Variants in ARHGAP15 observed in about 807,000 individuals in gnomAD.
ARHGAP15 encodes the protein rho GTPase-activating protein 15.
ARHGAP15 carries 51 observed loss-of-function variants against 63.7 expected under a neutral mutation model. That is an observed-to-expected ratio of 0.80 (90% confidence interval 0.64 to 1.01). The LOEUF (loss-of-function observed/expected upper bound fraction) is 1.01, where lower values mean the gene tolerates loss of function less well. ARHGAP15 is among the 50% of genes least tolerant of loss of function. The pLI, the probability that ARHGAP15 is intolerant of heterozygous loss-of-function variation, is 0.00. For missense variants in ARHGAP15, 560 were observed against 564.6 expected, an observed-to-expected ratio of 0.99 and a Z score of 0.08; for synonymous variants, 191 against 193.8, an observed-to-expected ratio of 0.99 and a Z score of 0.12.
chr2:143,360,751 G>T (rs1166721461), intron 6 of ARHGAP15, among the ~76,000 whole-genome samples: 1 of 152,150 alleles, frequency 6.6e-6, no homozygotes, highest in Non-Finnish European at 1.5e-5. Context: ...GAAGGTGGAA[G>T]AGTTAAGTAC....
chr2:143,487,853 C>T (rs1692397734), intron 9 of ARHGAP15, among the ~76,000 whole-genome samples: 1 of 152,170 alleles, frequency 6.6e-6, no homozygotes, highest in African/African-American at 2.4e-5. Flanking sequence ...AACCAGCACA[C>T]TTACCAACCC....
chr2:143,756,134 C>T (rs1686567936), intron 13 of ARHGAP15, among the ~76,000 whole-genome samples: 1 of 152,072 alleles, frequency 6.6e-6, no homozygotes, highest in South Asian at 2.1e-4. Context: ...TAGGCGCCCT[C>T]AATGAAAAGT....
intron 2 of ARHGAP15, among the ~76,000 whole-genome samples, chr2:143,166,006 G>A (rs1690505667): frequency 1.5e-5 from 2 of 134,356 alleles, no homozygotes; most frequent in Non-Finnish European, 3.2e-5. Flanking sequence ...AAGAAAGAAG[G>A]AAGGAAGGAA....
intron 8 of ARHGAP15, among the ~76,000 whole-genome samples, chr2:143,465,690 C>T (rs537277835): frequency 1.0e-5 from 1 of 98,468 alleles, no homozygotes; most frequent in East Asian, 2.9e-4. Context: ...CTTTTAGATG[C>T]TAATAAAGCA....
Position 143,467,524 on chromosome 2 carries a change from A to G in ARHGAP15, c.704-19849A>G, listed in dbSNP as rs145430152. On this transcript the variant is annotated intron_variant, in intron 8 of 13. Transcript: ENST00000295095. ...ATGTGCAATAAATTAATGCATCAAT[A>G]TAACCAATAAGCATTTGTTACTGAT... Among the ~76,000 whole-genome samples the G allele has an allele frequency of 5.3e-3, 799 of 152,186 alleles. 8 individuals carry two copies. Among genetic ancestry groups the G allele is most frequent in the African/African-American group, 0.018 (737 of 41,538 alleles).
chr2:143,723,336 G>C (rs1035315770), intron 13 of ARHGAP15, among the ~76,000 whole-genome samples: 2 of 152,160 alleles, frequency 1.3e-5, no homozygotes, highest in Non-Finnish European at 2.9e-5. Context: ...GGATGGAGGG[G>C]CTGAAGGAGG....
At chr2:143,339,199 G>A (rs1684943380) in intron 6 of ARHGAP15, among the ~76,000 whole-genome samples, 1 of 152,116 alleles carries the variant, frequency 6.6e-6, no homozygotes, top group Non-Finnish European at 1.5e-5. Context: ...GTAGCGGAGT[G>A]TTGGGTAGTG....
intron 6 of ARHGAP15, among the ~76,000 whole-genome samples, chr2:143,417,305 A>G (rs1688732893): frequency 6.6e-6 from 1 of 152,048 alleles, no homozygotes; most frequent in Non-Finnish European, 1.5e-5. Flanking sequence ...GAGATATACC[A>G]CACATGCTTA....
rs766632147 is a variant in ARHGAP15, at chr2:143,615,995, G to A, written c.1004-8138G>A. ...AGAAAGGAATTAAAGAAATATATAT[G>A]GGTGCCAGGAAATACATCAATTTTT... On this transcript the variant is annotated intron_variant, in intron 11 of 13. Coordinates refer to ENST00000295095, the MANE Select transcript of ARHGAP15 (RefSeq NM_018460.4). Among the ~76,000 whole-genome samples, 3 of 152,222 alleles carry A rather than the reference G, an allele frequency of 2.0e-5. No individual in the cohort carries two copies. In the South Asian group the frequency reaches 6.2e-4, roughly 32 times the overall value.
intron 9 of ARHGAP15, among the ~76,000 whole-genome samples, chr2:143,492,084 G>A (rs779215272): frequency 5.3e-5 from 8 of 152,118 alleles, no homozygotes; most frequent in Non-Finnish European, 1.2e-4. Context: ...GTTTCACCAT[G>A]TTGCCCAGCC....
chr2:143,610,176 A>G (rs987428760), intron 11 of ARHGAP15, among the ~76,000 whole-genome samples: 21 of 152,146 alleles, frequency 1.4e-4, no homozygotes, highest in African/African-American at 5.1e-4. Context: ...ATGGAATTAG[A>G]AAACTTAGTG....
chr2:143,467,242 C>CTTTTTTTT (rs202115707), intron 8 of ARHGAP15, among the ~76,000 whole-genome samples: 2 of 57,916 alleles, frequency 3.5e-5, no homozygotes, highest in African/African-American at 7.5e-5. Flanking sequence ...ACTCCATGGC[C>CTTTTTTTT]TTTTTTTTTT....
chr2:143,669,990 A>G (rs994783007), intron 12 of ARHGAP15, among the ~76,000 whole-genome samples: 3 of 152,188 alleles, frequency 2.0e-5, no homozygotes, highest in African/African-American at 7.2e-5. Flanking sequence ...CTGTGTGTGC[A>G]AGGCATGTAG....
chr2:143,232,215 C>G (rs534599831), intron 5 of ARHGAP15, among the ~76,000 whole-genome samples: 1 of 152,250 alleles, frequency 6.6e-6, no homozygotes, highest in South Asian at 2.1e-4. Context: ...TAACTGACCA[C>G]CTACTATCAT....
intron 8 of ARHGAP15, among the ~76,000 whole-genome samples, chr2:143,442,001 T>C (rs1314305163): frequency 6.6e-6 from 1 of 152,072 alleles, no homozygotes; most frequent in Non-Finnish European, 1.5e-5. Flanking sequence ...ATGTGTGCAA[T>C]AAGACAACAG....
At chr2:143,351,509 A>C (rs1207249767) in intron 6 of ARHGAP15, 1 of 152,222 alleles carries the variant, frequency 6.6e-6, no homozygotes, top group Non-Finnish European at 1.5e-5. Context: ...TTCAATGGAC[A>C]AAGTATATTT....
chr2:143,651,157 T>C (rs928741862), intron 12 of ARHGAP15, among the ~76,000 whole-genome samples: 1 of 151,994 alleles, frequency 6.6e-6, no homozygotes, highest in African/African-American at 2.4e-5. Flanking sequence ...TTGTTATGTG[T>C]TCATTTTCAA....
At chr2:143,736,615 A>G (rs1327011372) in intron 13 of ARHGAP15, among the ~76,000 whole-genome samples, 1 of 152,218 alleles carries the variant, frequency 6.6e-6, no homozygotes, top group Non-Finnish European at 1.5e-5. Context: ...AAATTATTAT[A>G]AGAATTAAGT....
At chr2:143,253,988 G>A (rs1351285555) in intron 6 of ARHGAP15, among the ~76,000 whole-genome samples, 2 of 152,078 alleles carry the variant, frequency 1.3e-5, no homozygotes, top group African/African-American at 2.4e-5. Flanking sequence ...CAAGTTTGAT[G>A]TAGTTCGAGA....
Sources: allele counts gnomAD v4.1 joint callset (sites outside exome capture counted in the v4.1 genomes callset), GRCh38; gene constraint gnomAD v4.1.1; transcripts MANE v1.5; gene names NCBI Gene and HGNC (gene_info 2026-07-23, HGNC 2026-07-21).